MEGF11: variants seen among roughly 807,000 people sequenced by gnomAD.
The protein encoded by MEGF11 is multiple EGF like domains 11.
MEGF11 carries 126 observed loss-of-function variants against 146.6 expected under a neutral mutation model. That is an observed-to-expected ratio of 0.86 (90% CI 0.74 to 1.00). The LOEUF (loss-of-function observed/expected upper bound fraction) is 1.00. MEGF11 is among the 50% of genes least tolerant of loss of function. The pLI is 0.00. For missense variants in MEGF11, 1,509 were observed against 1,521.2 expected, an observed-to-expected ratio of 0.99 and a Z score of 0.13; for synonymous variants, 532 against 583.4, an observed-to-expected ratio of 0.91 and a Z score of 1.27.
chr15:66,096,008 T>C (rs1239188167), intron 4 of MEGF11, among the ~76,000 whole-genome samples: 1 of 152,148 alleles, frequency 6.6e-6, no homozygotes, highest in African/African-American at 2.4e-5. Context: ...GCTCCCCCTG[T>C]TCTCACTGGA....
At chr15:65,992,448 T>TGGGGGGGGGGGGGG (rs1245633236) in intron 5 of MEGF11, among the ~76,000 whole-genome samples, 1 of 28,248 alleles carries the variant, frequency 3.5e-5, no homozygotes, top group Admixed American at 5.0e-4. Context: ...TGTGTGTGTG[T>TGGGGGGGGGGGGGG]GTGGGGGGGG....
At chr15:66,185,502 A>G (rs998299276) in intron 1 of MEGF11, among the ~76,000 whole-genome samples, 6 of 152,120 alleles carry the variant, frequency 3.9e-5, no homozygotes, top group Non-Finnish European at 7.3e-5. Flanking sequence ...CCTTAAGGGT[A>G]GGAAGATAAG....
At chr15:65,931,987 C>G (rs999603656) in intron 10 of MEGF11, among the ~76,000 whole-genome samples, 1 of 152,182 alleles carries the variant, frequency 6.6e-6, no homozygotes, top group Non-Finnish European at 1.5e-5. Flanking sequence ...GCTGCTTAAC[C>G]ATTACATTAC....
chr15:65,914,351 A>G (rs1466702651), intron 19 of MEGF11, among the ~76,000 whole-genome samples: 2 of 152,228 alleles, frequency 1.3e-5, no homozygotes, highest in Non-Finnish European at 2.9e-5. Flanking sequence ...CCAAGATTAC[A>G]TAACCTATAA....
chr15:65,965,408 TGTG>T (rs1222006066), intron 8 of MEGF11: 2 of 378,692 alleles, frequency 5.3e-6, no homozygotes, highest in African/African-American at 2.1e-5. Flanking sequence ...AAATTAAAGT[TGTG>T]GTGAAATATA....
At chr15:66,000,749 C>G (rs1367356375) in intron 5 of MEGF11, among the ~76,000 whole-genome samples, 2 of 152,174 alleles carry the variant, frequency 1.3e-5, no homozygotes, top group Non-Finnish European at 2.9e-5. Context: ...TCTTCACAAC[C>G]TAGAGTGGAG....
At chr15:66,015,752 C>A (rs189302466) in intron 5 of MEGF11, among the ~76,000 whole-genome samples, 8 of 152,284 alleles carry the variant, frequency 5.3e-5, no homozygotes, top group Non-Finnish European at 1.2e-4. Context: ...CAATAGACAG[C>A]GTACACCTGC....
At chr15:66,142,106 G>A (rs774513110) in intron 1 of MEGF11, among the ~76,000 whole-genome samples, 2 of 152,202 alleles carry the variant, frequency 1.3e-5, no homozygotes, top group Non-Finnish European at 2.9e-5. Context: ...CAACAGGCCA[G>A]TTCCCCAGCA....
At chr15:66,082,116 C>T (rs1333284618) in intron 5 of MEGF11, among the ~76,000 whole-genome samples, 2 of 152,124 alleles carry the variant, frequency 1.3e-5, no homozygotes, top group Admixed American at 6.5e-5. Context: ...AGGCAACTTC[C>T]ACCCCTTCAG....
chr15:66,222,613 G>C (rs1315759353), intron 1 of MEGF11, among the ~76,000 whole-genome samples: 2 of 152,204 alleles, frequency 1.3e-5, no homozygotes, highest in Non-Finnish European at 2.9e-5. Flanking sequence ...TGCCTGGTTT[G>C]TAGTAGGCTG....
chr15:66,226,352 A>G (rs558778119), intron 1 of MEGF11, among the ~76,000 whole-genome samples: 4 of 151,370 alleles, frequency 2.6e-5, no homozygotes, highest in Non-Finnish European at 5.9e-5. Flanking sequence ...ATTTCAAGTG[A>G]TTCTCCTGCC....
Position 65,974,474 on chromosome 15 carries a change from G to A in MEGF11, c.763-3785C>T, listed in dbSNP as rs1055887189. Among the ~76,000 whole-genome samples the A allele has an allele frequency of 2.0e-5, 3 of 152,116 alleles. No homozygotes were observed. In the East Asian group the frequency reaches 5.8e-4, roughly 29 times the overall value. On this transcript the variant is annotated intron_variant, in intron 7 of 25. Coordinates refer to ENST00000395614, the MANE Select transcript of MEGF11 (RefSeq NM_001385028.1). ...GGAGTTCAAGACCAGCCTGGCCAGCGAGGTGAAACTCCATCTCTAGTAAAA... is the reference window on the plus strand; with the variant it reads ...GGAGTTCAAGACCAGCCTGGCCAGCAAGGTGAAACTCCATCTCTAGTAAAA...
intron 1 of MEGF11, among the ~76,000 whole-genome samples, chr15:66,224,672 T>A (rs942899987): frequency 2.0e-4 from 29 of 146,080 alleles, no homozygotes; most frequent in African/African-American, 4.2e-4. Context: ...AAGTATATAT[T>A]TATATATAAT....
intron 5 of MEGF11, among the ~76,000 whole-genome samples, chr15:66,079,946 G>T (rs752294571): frequency 6.6e-6 from 1 of 152,150 alleles, no homozygotes; most frequent in African/African-American, 2.4e-5. Context: ...CCCCTTTCCC[G>T]TTTCTCCTGG....
intron 1 of MEGF11, among the ~76,000 whole-genome samples, chr15:66,252,882 C>T (rs1376058655): frequency 6.6e-6 from 1 of 152,172 alleles, no homozygotes; most frequent in Non-Finnish European, 1.5e-5. Flanking sequence ...CAGAGAGTCA[C>T]TTGCTTCTCC....
intron 5 of MEGF11, among the ~76,000 whole-genome samples, chr15:66,007,217 A>C (rs1421829458): frequency 6.6e-6 from 1 of 152,238 alleles, no homozygotes; most frequent in Non-Finnish European, 1.5e-5. Flanking sequence ...CAGCGTTTAC[A>C]TGCATCACTA....
At chr15:65,927,238 C>T (rs1346627557) in intron 13 of MEGF11, among the ~76,000 whole-genome samples, 1 of 152,216 alleles carries the variant, frequency 6.6e-6, no homozygotes, top group East Asian at 1.9e-4. Flanking sequence ...AGCTTCAAAA[C>T]AACCCTGTAG....
At chr15:66,193,279 T>A (rs1276290621) in intron 1 of MEGF11, among the ~76,000 whole-genome samples, 4 of 152,186 alleles carry the variant, frequency 2.6e-5, no homozygotes, top group Non-Finnish European at 5.9e-5. Context: ...AGCTGACTCC[T>A]TTGTGTTCAT....
intron 4 of MEGF11, among the ~76,000 whole-genome samples, chr15:66,105,094 T>C (rs975192114): frequency 6.6e-6 from 1 of 151,680 alleles, no homozygotes; most frequent in Non-Finnish European, 1.5e-5. Context: ...AACCTGGATC[T>C]TGCCTCAGGA....
Sources: gnomAD v4.1 joint callset for allele counts (sites outside exome capture counted in the v4.1 genomes callset) on GRCh38, gnomAD v4.1.1 for gene constraint, MANE v1.5 for transcripts, NCBI Gene and HGNC (gene_info 2026-07-23, HGNC 2026-07-21) for gene names.